FTO: variants seen among roughly 807,000 people sequenced by gnomAD.
FTO encodes the protein alpha-ketoglutarate-dependent dioxygenase FTO.
A neutral mutation model predicts 63.9 loss-of-function variants in FTO; 47 were observed. That is an observed-to-expected ratio of 0.74 (90% CI 0.58 to 0.94). The LOEUF is 0.94. FTO is among the 40% of genes least tolerant of loss of function. The pLI, the probability that FTO is intolerant of heterozygous loss-of-function variation, is 0.00. For missense variants in FTO, 562 were observed against 618.1 expected, an observed-to-expected ratio of 0.91 and a Z score of 0.96; for synonymous variants, 207 against 224.4, an observed-to-expected ratio of 0.92 and a Z score of 0.69.
At chr16:53,732,829 GA>G (rs1166748497) in intron 1 of FTO, among the ~76,000 whole-genome samples, 6 of 152,118 alleles carry the variant, frequency 3.9e-5, no homozygotes, top group Non-Finnish European at 8.8e-5. Flanking sequence ...AGAAGAGGGG[GA>G]AAAAGGAGCA....
At chr16:53,842,733 G>A (rs998590267) in intron 3 of FTO, among the ~76,000 whole-genome samples, 1 of 152,072 alleles carries the variant, frequency 6.6e-6, no homozygotes, top group Non-Finnish European at 1.5e-5. Flanking sequence ...GAGTGCACTG[G>A]TGCTATCACA....
intron 1 of FTO, among the ~76,000 whole-genome samples, chr16:53,796,131 G>A (rs1359655292): frequency 6.8e-6 from 1 of 146,154 alleles, no homozygotes; most frequent in Non-Finnish European, 1.5e-5. Context: ...TGCAACCTCC[G>A]CCTCCCAGGT....
At chr16:54,011,552 A>G (rs542003388) in intron 8 of FTO, among the ~76,000 whole-genome samples, 15 of 147,202 alleles carry the variant, frequency 1.0e-4, no homozygotes, top group Non-Finnish European at 2.2e-4. Flanking sequence ...TGTTTTGGAG[A>G]TGGTATGTCT....
At chr16:53,926,481 G>T (rs78769557) in intron 7 of FTO, among the ~76,000 whole-genome samples, 1,850 of 152,320 alleles carry the variant, frequency 0.012, 42 homozygotes, top group African/African-American at 0.042. Flanking sequence ...ATTAAGAAAT[G>T]GTCATGGACC....
chr16:54,096,551 G>A (rs952061736), intron 8 of FTO, among the ~76,000 whole-genome samples: 10 of 152,160 alleles, frequency 6.6e-5, no homozygotes, highest in East Asian at 5.8e-4. Flanking sequence ...GTGAAATAGC[G>A]CCCAGGAAGT....
intron 1 of FTO, among the ~76,000 whole-genome samples, chr16:53,799,776 T>C (rs2078171928): frequency 6.6e-6 from 1 of 152,222 alleles, no homozygotes; most frequent in Non-Finnish European, 1.5e-5. Flanking sequence ...GCTAACCTCT[T>C]CTTGAGTGAA....
chr16:53,708,085 A>G (rs1444363443), intron 1 of FTO, among the ~76,000 whole-genome samples: 1 of 152,000 alleles, frequency 6.6e-6, no homozygotes, highest in Non-Finnish European at 1.5e-5. Context: ...CAGGCCGAGC[A>G]TGGTGGCTCA....
intron 8 of FTO, among the ~76,000 whole-genome samples, chr16:54,012,524 A>T (rs931903154): frequency 6.6e-6 from 1 of 152,222 alleles, no homozygotes; most frequent in African/African-American, 2.4e-5. Flanking sequence ...CAGATTTTCA[A>T]TGTAGACAAC....
intron 2 of FTO, among the ~76,000 whole-genome samples, chr16:53,816,874 C>T (rs764560449): frequency 2.0e-5 from 3 of 152,186 alleles, no homozygotes; most frequent in Non-Finnish European, 4.4e-5. Flanking sequence ...ATAGACGTTT[C>T]GCTCTCTTCC....
chr16:54,057,254 C>T (rs532241806), intron 8 of FTO, among the ~76,000 whole-genome samples: 3 of 152,314 alleles, frequency 2.0e-5, no homozygotes, highest in South Asian at 2.1e-4. Context: ...AGCACTGCTC[C>T]GTGCTACATT....
At chr16:53,898,004 C>T (rs1241495843) in intron 7 of FTO, among the ~76,000 whole-genome samples, 2 of 152,164 alleles carry the variant, frequency 1.3e-5, no homozygotes, top group Non-Finnish European at 1.5e-5. Flanking sequence ...AAACTACCAT[C>T]GTTTATAAAA....
At chr16:53,903,775 A>G (rs967515295) in intron 7 of FTO, among the ~76,000 whole-genome samples, 1 of 152,124 alleles carries the variant, frequency 6.6e-6, no homozygotes, top group African/African-American at 2.4e-5. Context: ...AACGTTTTTC[A>G]CAAGTGAGAT....
At chr16:53,836,010 C>G (rs1164329243) in intron 3 of FTO, among the ~76,000 whole-genome samples, 3 of 151,870 alleles carry the variant, frequency 2.0e-5, no homozygotes, top group Admixed American at 2.0e-4. Flanking sequence ...TCTGCCACAG[C>G]CTCCTGAGTA....
rs377671956 is a variant in FTO, at chr16:53,708,081, G to A, written c.45+3852G>A. ...GTGGATAGAATTCCAGTGTCAGGCC[G>A]AGCATGGTGGCTCATGCCTGTAATC... is the stretch of plus-strand genomic sequence containing the variant. On this transcript the variant is annotated intron_variant, in intron 1 of 8. Transcript: ENST00000471389. 1.7e-4 allele frequency among the ~76,000 whole-genome samples: 26 copies of A among 151,864 alleles called. No homozygotes were observed. The East Asian group carries it at 4.3e-3, about 25-fold the overall frequency.
At chr16:53,755,261 CTCTT>C (rs1417641089) in intron 1 of FTO, among the ~76,000 whole-genome samples, 1 of 152,176 alleles carries the variant, frequency 6.6e-6, no homozygotes, top group African/African-American at 2.4e-5. Flanking sequence ...TGAAAGGCCT[CTCTT>C]TCTTAATGAT....
rs117779821 is a variant in FTO, at chr16:53,910,724, C to T, written c.1239+21773C>T. 7.2e-3 allele frequency among the ~76,000 whole-genome samples: 1,091 copies of T among 152,196 alleles called. 18 individuals are homozygous for T. The highest frequency in any genetic ancestry group is 0.034 in the Admixed American group (526 of 15,290). On this transcript the variant is annotated intron_variant, in intron 7 of 8. Transcript: ENST00000471389. ...CTAATTTTCGTAATTTTAGTAGAGA[C>T]GAGGTTTCGCCATGTTGGCCAGGCT...
chr16:53,768,442 G>A (rs2077260392), intron 1 of FTO, among the ~76,000 whole-genome samples: 1 of 152,148 alleles, frequency 6.6e-6, no homozygotes, highest in African/African-American at 2.4e-5. Context: ...CGGCCTCCAG[G>A]GAGACAAAAC....
intron 4 of FTO, among the ~76,000 whole-genome samples, chr16:53,852,811 C>T (rs1216301549): frequency 1.3e-5 from 2 of 152,070 alleles, no homozygotes; most frequent in Non-Finnish European, 1.5e-5. Flanking sequence ...CCCCTGGAGA[C>T]TTATATTCGT....
At chr16:53,896,104 A>T (rs967815921) in intron 7 of FTO, among the ~76,000 whole-genome samples, 1 of 152,174 alleles carries the variant, frequency 6.6e-6, no homozygotes, top group Non-Finnish European at 1.5e-5. Flanking sequence ...ATTCAAATTG[A>T]TGTAAAGGTG....
Sources: gnomAD v4.1 joint callset for allele counts (sites outside exome capture counted in the v4.1 genomes callset) on GRCh38, gnomAD v4.1.1 for gene constraint, MANE v1.5 for transcripts, NCBI Gene and HGNC (gene_info 2026-07-23, HGNC 2026-07-21) for gene names.